AKAP13: variants seen among roughly 807,000 people sequenced by gnomAD.
The protein encoded by AKAP13 is A-kinase anchoring protein 13.
In AKAP13, 80 loss-of-function variants were observed where a neutral mutation model predicts 264.5. The ratio of observed to expected loss-of-function variants is 0.30; its 90% CI spans 0.25 to 0.36. The LOEUF is 0.36. Among genes scored for constraint, AKAP13 ranks in the 10% least tolerant of loss-of-function variants. The pLI, the probability that AKAP13 is intolerant of heterozygous loss-of-function variation, is 1.00. For missense variants in AKAP13, 3,712 were observed against 3,435.2 expected (o/e 1.08, Z -2.01); for synonymous variants, 1,380 against 1,250.2 (o/e 1.10, Z -2.19).
intron 1 of AKAP13, among the ~76,000 whole-genome samples, chr15:85,416,175 A>G (rs555747356): frequency 1.3e-5 from 2 of 152,212 alleles, no homozygotes; most frequent in Non-Finnish European, 2.9e-5. Context: ...TGTACTATGT[A>G]TTTGCATAAA....
intron 31 of AKAP13, 115 bp from the exon 32 acceptor site, chr15:85,735,445 G>A (rs1376865583): frequency 2.8e-6 from 3 of 1,086,456 alleles, no homozygotes; most frequent in Non-Finnish European, 4.0e-6. Context: ...CCCCTTTTTG[G>A]GGGCATCAGT....
chr15:85,737,032 C>T (rs944905238), intron 33 of AKAP13, among the ~76,000 whole-genome samples: 1 of 150,756 alleles, frequency 6.6e-6, no homozygotes, highest in Non-Finnish European at 1.5e-5. Flanking sequence ...GATTCCCCTG[C>T]CTCAGCCTCC....
Position 85,715,844 on chromosome 15 carries a change from A to T in AKAP13, c.5656A>T (p.Thr1886Ser). The T allele has an allele frequency of 1.2e-6, 2 of 1,613,482 alleles. No homozygotes were observed. The highest frequency in any genetic ancestry group is 1.3e-5 in the African/African-American group (1 of 74,838). The change falls in exon 20 of 37, where the codon ACC becomes TCC. Residue 1886 changes from threonine (T) to serine (S), a missense_variant. Transcript: ENST00000394518. Reference sequence around the variant, plus strand: ...AGTCCTCCTGGTGGATGAAACCGCTACCACCCCAATATTTGCCAATAGACG... The same window carrying T: ...AGTCCTCCTGGTGGATGAAACCGCTTCCACCCCAATATTTGCCAATAGACG... ...SAVLLVDETATTPIFANRRSQ... is the reference protein window; with the variant it reads ...SAVLLVDETASTPIFANRRSQ...
At chr15:85,609,624 G>A (rs955166619) in intron 8 of AKAP13, among the ~76,000 whole-genome samples, 1 of 152,166 alleles carries the variant, frequency 6.6e-6, no homozygotes, top group African/African-American at 2.4e-5. Context: ...CCAGTAGTGG[G>A]ATTCCTAGAT....
At chr15:85,467,390 C>T (rs2074783890) in intron 1 of AKAP13, among the ~76,000 whole-genome samples, 1 of 152,108 alleles carries the variant, frequency 6.6e-6, no homozygotes, top group Admixed American at 6.6e-5. Context: ...CTCATATTAC[C>T]TTGTGATCTG....
At chr15:85,651,520 A>G (rs183758977) in intron 10 of AKAP13, 77 of 152,346 alleles carry the variant, frequency 5.1e-4, no homozygotes, top group African/African-American at 1.9e-3. Context: ...CTTTTTAAAA[A>G]AAAATTTAAT....
chr15:85,725,993 AC>A (rs2087595548), intron 26 of AKAP13: 1 of 154,090 alleles, frequency 6.5e-6, no homozygotes, highest in African/African-American at 2.4e-5. Flanking sequence ...CTTTCCCATT[AC>A]TGTAATTAGA....
At chr15:85,602,464 T>G (rs2080129021) in intron 8 of AKAP13, among the ~76,000 whole-genome samples, 2 of 149,958 alleles carry the variant, frequency 1.3e-5, no homozygotes, top group African/African-American at 2.5e-5. Flanking sequence ...ATGTGAGCCA[T>G]TGTGCTGGGT....
rs753511339 is a variant in AKAP13, at chr15:85,581,701, T to A, written c.3633T>A (p.Gly1211=). ...CCCATGATGATGGGGCCCCAGCTGG[T>A]GTGAGGGAAGTCATGCGAGCCCCGC... ...LSAHDDGAPA[G]VREVMRAPPS... is the part of the protein sequence containing the mutation. The change falls in exon 7 of 37, where the codon GGT becomes GGA. Residue 1211 remains glycine, a synonymous_variant. Coordinates refer to ENST00000394518, the MANE Select transcript of AKAP13 (RefSeq NM_007200.5). 1 of 1,614,058 alleles carries A rather than the reference T, an allele frequency of 6.2e-7. No individual in the cohort carries two copies. Among genetic ancestry groups the A allele is most frequent in the South Asian group, 1.1e-5 (1 of 91,082 alleles).
chr15:85,727,600 A>ATGT lies in AKAP13; in HGVS notation c.7087+138_7087+139insGTT. The ATGT allele has an allele frequency of 1.2e-6, 1 of 840,330 alleles. No individual in the cohort carries two copies. Among genetic ancestry groups the ATGT allele is most frequent in the South Asian group, 1.7e-5 (1 of 57,776 alleles). The allele number at this position is 840,330 out of a possible 1,614,324, so 52.1% of individuals were successfully genotyped here. ...CAGGCACTTGAAAGCAGCAAAATGA[A>ATGT]TAGCTGTTAACAAAAGAGAAACCAA... On this transcript the variant is annotated intron_variant, in intron 29 of 36. Transcript: ENST00000394518. The surrounding 1 kb of genome is among the most constrained non-coding windows in gnomAD (Gnocchi z 5.3).
In AKAP13 at chr15:85,669,705, A is replaced by G; in HGVS notation, c.4993-17A>G. 1 of 1,563,942 alleles carries G rather than the reference A, an allele frequency of 6.4e-7. No individual in the cohort carries two copies. The highest frequency in any genetic ancestry group is 8.8e-7 in the Non-Finnish European group (1 of 1,134,720). On this transcript the variant is annotated splice_polypyrimidine_tract_variant and intron_variant, in intron 13 of 36. Transcript: ENST00000394518. ...AGTATATGCTTACAACGTGTTCTTC[A>G]CTTTTTTACTTCACAGATATGTCAC...
intron 1 of AKAP13, among the ~76,000 whole-genome samples, chr15:85,398,630 A>G (rs1286656413): frequency 6.6e-6 from 1 of 152,134 alleles, no homozygotes; most frequent in Non-Finnish European, 1.5e-5. Flanking sequence ...ATCTCTACTC[A>G]GTGCAACCTC....
intron 17 of AKAP13, among the ~76,000 whole-genome samples, chr15:85,703,545 A>G (rs554287072): frequency 6.0e-4 from 92 of 152,298 alleles, no homozygotes; most frequent in African/African-American, 2.1e-3. Context: ...AAATCCCCCA[A>G]AGATTTTATT....
intron 16 of AKAP13, chr15:85,690,210 T>G (rs1375794770): frequency 6.6e-6 from 1 of 152,242 alleles, no homozygotes; most frequent in South Asian, 2.1e-4. Context: ...CTAATTTGGA[T>G]TGTTGCAAAG....
intron 1 of AKAP13, among the ~76,000 whole-genome samples, chr15:85,399,527 A>ATAAAATAAAT (rs2071310375): frequency 8.7e-6 from 1 of 114,740 alleles, no homozygotes; most frequent in African/African-American, 3.6e-5. Context: ...AAAAAATAAA[A>ATAAAATAAAT]AAATAAAAAA....
chr15:85,717,905 A>G, intron 21 of AKAP13, 102 bp from the exon 22 acceptor site: 3 of 1,145,072 alleles, frequency 2.6e-6, no homozygotes, highest in Non-Finnish European at 3.8e-6. Flanking sequence ...CCCTGTATTC[A>G]TGTGTCTTAT....
intron 1 of AKAP13, among the ~76,000 whole-genome samples, chr15:85,411,408 A>C (rs926039818): frequency 3.9e-5 from 6 of 152,130 alleles, no homozygotes; most frequent in Admixed American, 1.3e-4. Flanking sequence ...TCTTGAGGTA[A>C]AGCTCTCGTG....
chr15:85,381,325 C>G (rs2070241827), intron 1 of AKAP13, among the ~76,000 whole-genome samples: 1 of 151,922 alleles, frequency 6.6e-6, no homozygotes. Context: ...CGGGCCGCGC[C>G]TGCCTGTCGG....
chr15:85,611,433 C>T (rs1196135520), intron 8 of AKAP13, among the ~76,000 whole-genome samples: 3 of 152,314 alleles, frequency 2.0e-5, no homozygotes, highest in East Asian at 1.9e-4. Context: ...GAAACCTAGT[C>T]CATCGTCACA....
Sources: allele counts gnomAD v4.1 joint callset (sites outside exome capture counted in the v4.1 genomes callset), GRCh38; gene constraint gnomAD v4.1.1; non-coding constraint Gnocchi (gnomAD v3.1); transcripts MANE v1.5; gene names NCBI Gene and HGNC (gene_info 2026-07-23, HGNC 2026-07-21).